The following ATP8A2 variants were observed in gnomAD, a reference collection of about 807,000 sequenced individuals.
ATP8A2 encodes ATPase phospholipid transporting 8A2.
Under a neutral mutation model 165.6 loss-of-function variants are expected in ATP8A2, and 100 were observed. The observed-to-expected ratio is 0.60, with a 90% CI of 0.51 to 0.71. The LOEUF (loss-of-function observed/expected upper bound fraction) is 0.71, where lower values mean the gene tolerates loss of function less well. Ranked by LOEUF, ATP8A2 falls within the 30% of genes least tolerant of loss-of-function variation. The pLI, the probability that ATP8A2 is intolerant of heterozygous loss-of-function variation, is 0.00. For missense variants in ATP8A2, 1,227 were observed against 1,479.5 expected, an observed-to-expected ratio of 0.83 and a Z score of 2.80; for synonymous variants, 543 against 548.8, an observed-to-expected ratio of 0.99 and a Z score of 0.15.
intron 1 of ATP8A2, among the ~76,000 whole-genome samples, chr13:25,451,852 G>GTTTTTTTTTTTTTT (rs67427237): frequency 6.8e-6 from 1 of 146,800 alleles, no homozygotes; most frequent in Non-Finnish European, 1.5e-5. Context: ...TACCTTCATG[G>GTTTTTTTTTTTTTT]TTTTTTTTTT....
At chr13:25,794,615 C>T (rs899222577) in intron 27 of ATP8A2, among the ~76,000 whole-genome samples, 1 of 151,986 alleles carries the variant, frequency 6.6e-6, no homozygotes, top group Non-Finnish European at 1.5e-5. Context: ...GGTGGTTACA[C>T]AAGGGTGCGC....
chr13:25,811,365 A>G (rs1337710864), intron 27 of ATP8A2, among the ~76,000 whole-genome samples: 1 of 152,220 alleles, frequency 6.6e-6, no homozygotes, highest in East Asian at 1.9e-4. Context: ...AATGAAGTCA[A>G]TTGCATCAAA....
intron 33 of ATP8A2, among the ~76,000 whole-genome samples, chr13:25,897,149 C>T (rs1294953035): frequency 6.6e-6 from 1 of 152,192 alleles, no homozygotes; most frequent in Non-Finnish European, 1.5e-5. Flanking sequence ...TACAGTTTGG[C>T]ATGTTTTTGC....
chr13:25,470,964 G>A (rs1053482047), intron 2 of ATP8A2, among the ~76,000 whole-genome samples: 1 of 152,076 alleles, frequency 6.6e-6, no homozygotes, highest in African/African-American at 2.4e-5. Context: ...GGGGAAGAGA[G>A]AAAAGGTTGG....
intron 27 of ATP8A2, among the ~76,000 whole-genome samples, chr13:25,818,944 C>A (rs1951093462): frequency 6.6e-6 from 1 of 152,142 alleles, no homozygotes; most frequent in Non-Finnish European, 1.5e-5. Flanking sequence ...TAAAGACAAG[C>A]AAGTTCTCTT....
At chr13:25,505,711 G>A (rs925074517) in intron 2 of ATP8A2, among the ~76,000 whole-genome samples, 9 of 152,106 alleles carry the variant, frequency 5.9e-5, no homozygotes, top group African/African-American at 2.2e-4. Context: ...TTTCAAAACT[G>A]TTGCCAACTG....
chr13:25,864,283 G>C lies in ATP8A2; in HGVS notation c.3183+1875G>C, dbSNP rs536072349. Among the ~76,000 whole-genome samples, 107 of 152,134 alleles carry C rather than the reference G, an allele frequency of 7.0e-4. No homozygotes were observed. The East Asian group carries it at 0.017, about 24-fold the overall frequency. On this transcript the variant is annotated intron_variant, in intron 33 of 36. Coordinates refer to ENST00000381655, the MANE Select transcript of ATP8A2 (RefSeq NM_016529.6). ...GCTTGGCATGTGACTGACAGACAAA[G>C]CCCATTCCTTTGAAAGCTCCTCCTG... is the stretch of plus-strand genomic sequence containing the variant.
At chr13:25,699,424 G>A (rs2137913217) in intron 25 of ATP8A2, 79 bp downstream of exon 25, 2 of 1,099,028 alleles carry the variant, frequency 1.8e-6, no homozygotes, top group East Asian at 2.8e-5. Flanking sequence ...AGGGATGCAT[G>A]GGAATTCTAG....
chr13:25,845,843 C>A (rs1011460296), intron 30 of ATP8A2, among the ~76,000 whole-genome samples: 6 of 152,196 alleles, frequency 3.9e-5, no homozygotes, highest in Admixed American at 3.9e-4. Flanking sequence ...TCTGAGACTG[C>A]AACTTCTTAA....
chr13:25,653,051 C>T (rs2041849467), intron 24 of ATP8A2, among the ~76,000 whole-genome samples: 1 of 152,184 alleles, frequency 6.6e-6, no homozygotes. Context: ...AATCACTCTT[C>T]CCTGCTGGAT....
At chr13:25,583,299 G>A (rs1191987959) in intron 23 of ATP8A2, among the ~76,000 whole-genome samples, 2 of 152,134 alleles carry the variant, frequency 1.3e-5, no homozygotes, top group East Asian at 3.8e-4. Flanking sequence ...CCTGTTGTTT[G>A]CATGCTAAGT....
At chr13:25,779,561 A>AGCT (rs2044824305) in intron 27 of ATP8A2, among the ~76,000 whole-genome samples, 1 of 152,170 alleles carries the variant, frequency 6.6e-6, no homozygotes, top group African/African-American at 2.4e-5. Flanking sequence ...TGCCATTGGA[A>AGCT]GCTGGGATTC....
intron 27 of ATP8A2, among the ~76,000 whole-genome samples, chr13:25,810,847 G>A (rs924115286): frequency 4.5e-4 from 68 of 152,182 alleles, no homozygotes; most frequent in African/African-American, 1.5e-3. Context: ...GTTTTTGAAT[G>A]GTTATTGGTG....
At chr13:25,391,721 A>G (rs1253389612) in intron 1 of ATP8A2, among the ~76,000 whole-genome samples, 1 of 152,204 alleles carries the variant, frequency 6.6e-6, no homozygotes, top group Non-Finnish European at 1.5e-5. Context: ...AAAAGAAAGA[A>G]ACTTACATGT....
chr13:25,500,874 A>G (rs12862948), intron 2 of ATP8A2, among the ~76,000 whole-genome samples: 42,239 of 152,146 alleles, frequency 0.28, 7,461 homozygotes, highest in Middle Eastern at 0.44. Context: ...ACCTGGCACC[A>G]ATATATATAA....
chr13:25,846,185 C>T (rs114842212), intron 30 of ATP8A2, among the ~76,000 whole-genome samples: 2 of 150,750 alleles, frequency 1.3e-5, no homozygotes, highest in Non-Finnish European at 3.0e-5. Flanking sequence ...CAAAACAAAA[C>T]AAAAAAAAAG....
chr13:25,561,576 C>T (rs1378452374), intron 15 of ATP8A2, among the ~76,000 whole-genome samples: 1 of 143,950 alleles, frequency 6.9e-6, no homozygotes, highest in Non-Finnish European at 1.5e-5. Flanking sequence ...TCTTCAAAAA[C>T]CTGGTGATCA....
chr13:25,485,892 AAG>A (rs1482368457), intron 2 of ATP8A2, among the ~76,000 whole-genome samples: 1 of 152,158 alleles, frequency 6.6e-6, no homozygotes, highest in Non-Finnish European at 1.5e-5. Flanking sequence ...ATTGTTGGGA[AAG>A]AGTGAGTTTT....
At chr13:25,792,674 G>T (rs112627424) in intron 27 of ATP8A2, among the ~76,000 whole-genome samples, 4,560 of 152,186 alleles carry the variant, frequency 0.03, 238 homozygotes, top group African/African-American at 0.1. Flanking sequence ...TCTTTGGGAG[G>T]CTGAGGCAGG....
Sources: gnomAD v4.1 joint callset for allele counts (sites outside exome capture counted in the v4.1 genomes callset) on GRCh38, gnomAD v4.1.1 for gene constraint, MANE v1.5 for transcripts, NCBI Gene and HGNC (gene_info 2026-07-23, HGNC 2026-07-21) for gene names.